USP24: variants seen among roughly 807,000 people sequenced by gnomAD.
USP24 encodes the protein ubiquitin specific peptidase 24, also known as ubiquitin carboxyl-terminal hydrolase 24.
In USP24, 97 loss-of-function variants were observed where a neutral mutation model predicts 361.6. That is an observed-to-expected ratio of 0.27 (90% confidence interval 0.23 to 0.32). The LOEUF (loss-of-function observed/expected upper bound fraction) is 0.32. USP24 is among the 10% of genes least tolerant of loss of function. The pLI, the probability that USP24 is intolerant of heterozygous loss-of-function variation, is 1.00. For synonymous variants in USP24, 1,098 were observed against 1,124.6 expected, an observed-to-expected ratio of 0.98 and a Z score of 0.47; for missense variants, 2,353 against 3,165.6, an observed-to-expected ratio of 0.74 and a Z score of 6.16.
At chr1:55,186,392 T>C (rs1014766396) in intron 1 of USP24, among the ~76,000 whole-genome samples, 3 of 152,174 alleles carry the variant, frequency 2.0e-5, no homozygotes, top group Admixed American at 6.5e-5. Flanking sequence ...TAAATGGAAC[T>C]ACCATGTGAT....
At chr1:55,209,872 C>T (rs1001555032) in intron 1 of USP24, among the ~76,000 whole-genome samples, 4 of 152,002 alleles carry the variant, frequency 2.6e-5, no homozygotes, top group Non-Finnish European at 5.9e-5. Context: ...AAGTAAAAAA[C>T]GCCCTCCTTC....
chr1:55,145,797 T>A (rs1356103244), intron 20 of USP24, among the ~76,000 whole-genome samples: 1 of 152,188 alleles, frequency 6.6e-6, no homozygotes, highest in Admixed American at 6.5e-5. Flanking sequence ...GCAGGCCATA[T>A]GATTTAAAAA....
At chr1:55,155,605 T>C (rs1570565241) in intron 12 of USP24, among the ~76,000 whole-genome samples, 2 of 152,182 alleles carry the variant, frequency 1.3e-5, no homozygotes, top group African/African-American at 4.8e-5. Context: ...CCGGGACTGT[T>C]TTCTTTTACT....
In USP24 at chr1:55,098,568, T is replaced by A; in HGVS notation, c.5371-10A>T. The A allele has an allele frequency of 6.3e-7, 1 of 1,599,796 alleles. No individual in the cohort carries two copies. The highest frequency in any genetic ancestry group is 8.6e-7 in the Non-Finnish European group (1 of 1,168,996). On this transcript the variant is annotated splice_polypyrimidine_tract_variant and intron_variant, in intron 45 of 67. Transcript: ENST00000294383. ...GGTCTCTCCCCATTTTCTGTTGGAA[T>A]GAAAAGTTACAGTTTTAAGTGATGC...
rs1646779825 is a variant in USP24, at chr1:55,137,778, T to C, written c.3027+28A>G. Reference sequence around the variant, plus strand: ...AATATTTATATTATATCATTTATTATTCATCAAAACTGCTTATTTAAACCT... The same window carrying C: ...AATATTTATATTATATCATTTATTACTCATCAAAACTGCTTATTTAAACCT... On this transcript the variant is annotated intron_variant, in intron 27 of 67. Coordinates refer to ENST00000294383, the MANE Select transcript of USP24 (RefSeq NM_015306.3). 5.2e-6 allele frequency: 8 copies of C among 1,548,412 alleles called. No individual in the cohort carries two copies. The South Asian group carries it at 6.0e-5, about 12-fold the overall frequency.
At chr1:55,082,371 CATA>C (rs1401787684) in intron 58 of USP24, among the ~76,000 whole-genome samples, 1 of 152,176 alleles carries the variant, frequency 6.6e-6, no homozygotes, top group Non-Finnish European at 1.5e-5. Context: ...GTATCAAGTA[CATA>C]ATAAGTACTC....
chr1:55,147,832 G>A, intron 17 of USP24, 34 bp from the exon 18 acceptor site: 2 of 1,604,102 alleles, frequency 1.2e-6, no homozygotes, highest in Non-Finnish European at 1.7e-6. Flanking sequence ...AAGTGGTAAT[G>A]AGAATTTGCA....
At chr1:55,205,532 C>A (rs1311432421) in intron 1 of USP24, among the ~76,000 whole-genome samples, 1 of 152,074 alleles carries the variant, frequency 6.6e-6, no homozygotes, top group Non-Finnish European at 1.5e-5. Flanking sequence ...AAAAAAATAG[C>A]TCCCAATGAT....
intron 1 of USP24, among the ~76,000 whole-genome samples, chr1:55,193,049 C>T (rs1644330638): frequency 6.6e-6 from 1 of 152,068 alleles, no homozygotes; most frequent in Admixed American, 6.6e-5. Flanking sequence ...TTGAACGGAT[C>T]TAGACATTTT....
At position 55,200,428 on chromosome 1, in the gene USP24, C is replaced by T. The variant is rs545684329; in HGVS notation, c.324+14362G>A. ...AAAGCAGGGGCTGTATCTCAGTTCT[C>T]AGAAGCCAGAAGAGAGCCAAAGACA... On this transcript the variant is annotated intron_variant, in intron 1 of 67. Transcript: ENST00000294383. Among the ~76,000 whole-genome samples the T allele has an allele frequency of 4.6e-5, 7 of 152,294 alleles. No individual in the cohort carries two copies. The East Asian group carries it at 1.3e-3, about 29-fold the overall frequency.
At chr1:55,136,172 TC>T (rs1219880565) in intron 28 of USP24, among the ~76,000 whole-genome samples, 1 of 152,040 alleles carries the variant, frequency 6.6e-6, no homozygotes, top group African/African-American at 2.4e-5. Context: ...CAGAGAAGGC[TC>T]ACTGAGAATA....
intron 50 of USP24, among the ~76,000 whole-genome samples, chr1:55,095,865 T>A (rs777024525): frequency 6.6e-6 from 1 of 152,208 alleles, no homozygotes; most frequent in Admixed American, 6.5e-5. Context: ...TATAATGGCA[T>A]GGTATCAAAA....
intron 65 of USP24, 96 bp downstream of exon 65, chr1:55,072,690 G>T: frequency 8.3e-7 from 1 of 1,200,588 alleles, no homozygotes; most frequent in Non-Finnish European, 1.2e-6. Flanking sequence ...AACACTTTAA[G>T]GTCAGTCTCC....
rs74958685 is a variant in USP24 at position 55,152,226 on chromosome 1, A to G, written c.1860+1644T>C. Among the ~76,000 whole-genome samples the G allele has an allele frequency of 3.4e-3, 513 of 152,344 alleles. 4 individuals carry two copies. Among genetic ancestry groups the G allele is most frequent in the African/African-American group, 0.012 (499 of 41,576 alleles). ...TGGGAGCAGTGGGGAAATAAAAAAG[A>G]AAGAATATTCCTTTCGAGTCTCACA... On this transcript the variant is annotated intron_variant, in intron 16 of 67. Transcript: ENST00000294383.
At chr1:55,172,355 C>G in intron 4 of USP24, 22 bp downstream of exon 4, 1 of 1,564,148 alleles carries the variant, frequency 6.4e-7, no homozygotes, top group Non-Finnish European at 8.6e-7. Flanking sequence ...ACACAAAGTA[C>G]TTAATTTTAG....
At chr1:55,104,352 A>C (rs1477141587) in intron 41 of USP24, among the ~76,000 whole-genome samples, 4 of 152,222 alleles carry the variant, frequency 2.6e-5, no homozygotes, top group East Asian at 1.9e-4. Context: ...TTCAAATAAA[A>C]TAGGTAAGTA....
At chr1:55,110,129 C>G (rs1216790836) in intron 39 of USP24, 56 bp downstream of exon 39, 2 of 1,371,762 alleles carry the variant, frequency 1.5e-6, no homozygotes, top group Non-Finnish European at 2.0e-6. Flanking sequence ...GTCCGTGTGA[C>G]TTTCTCTTCT....
At position 55,172,533 on chromosome 1, in the gene USP24, A is replaced by AC. The variant is rs755565339; in HGVS notation, c.559-14_559-13insG. Reference sequence around the variant, plus strand: ...TTGATGTCAGGAGCTATAAAAACATAAAGGGCAATCTAGAGTCTAACTTGA... The same window carrying AC: ...TTGATGTCAGGAGCTATAAAAACATACAAGGGCAATCTAGAGTCTAACTTGA... On this transcript the variant is annotated splice_polypyrimidine_tract_variant and intron_variant, in intron 3 of 67. Transcript: ENST00000294383. 9.3e-6 allele frequency: 15 copies of AC among 1,606,896 alleles called. No homozygotes were observed. Among genetic ancestry groups the AC allele is most frequent in the Non-Finnish European group, 1.2e-5 (14 of 1,177,090 alleles).
intron 58 of USP24, among the ~76,000 whole-genome samples, chr1:55,082,060 A>G (rs2100431182): frequency 6.6e-6 from 1 of 152,342 alleles, no homozygotes; most frequent in Admixed American, 6.5e-5. Context: ...TGATGCTGTC[A>G]GTACTTGTTT....
Sources: allele counts gnomAD v4.1 joint callset (sites outside exome capture counted in the v4.1 genomes callset), GRCh38; gene constraint gnomAD v4.1.1; transcripts MANE v1.5; gene names NCBI Gene and HGNC (gene_info 2026-07-23, HGNC 2026-07-21).